The following THADA variants were observed in gnomAD, a reference collection of about 807,000 sequenced individuals.
The protein encoded by THADA is tRNA (32-2'-O)-methyltransferase regulator THADA.
A neutral mutation model predicts 219.8 loss-of-function variants in THADA; 213 were observed. That is an observed-to-expected ratio of 0.97 (90% CI 0.87 to 1.09). THADA has a LOEUF of 1.09. Ranked by LOEUF, THADA falls within the 50% of genes least tolerant of loss-of-function variation. THADA has a pLI of 0.00. For synonymous variants in THADA, 1,018 were observed against 828.9 expected, an observed-to-expected ratio of 1.23 and a Z score of -3.92; for missense variants, 2,956 against 2,311.3, an observed-to-expected ratio of 1.28 and a Z score of -5.72.
At chr2:43,516,001 G>A (rs546914462) in intron 22 of THADA, among the ~76,000 whole-genome samples, 5 of 152,154 alleles carry the variant, frequency 3.3e-5, no homozygotes, top group Admixed American at 2.0e-4. Flanking sequence ...CTCTTCAGGG[G>A]CTCAAGCCAA....
At chr2:43,354,471 A>G (rs1481240667) in intron 29 of THADA, among the ~76,000 whole-genome samples, 2 of 151,606 alleles carry the variant, frequency 1.3e-5, no homozygotes, top group African/African-American at 2.4e-5. Context: ...CATTCTATCT[A>G]ATTAACTATA....
At chr2:43,292,003 G>A (rs1179851144) in intron 33 of THADA, 101 bp downstream of exon 33, 2 of 800,858 alleles carry the variant, frequency 2.5e-6, no homozygotes, top group Non-Finnish European at 3.9e-6. Flanking sequence ...TGAAATACAG[G>A]ACCTGAGACC....
chr2:43,291,846 C>G (rs1268771827), intron 33 of THADA, 78 bp from the exon 34 acceptor site: 3 of 1,305,932 alleles, frequency 2.3e-6, no homozygotes, highest in Non-Finnish European at 3.2e-6. Context: ...TGCAGATAGT[C>G]TGTAATCCAT....
chr2:43,383,292 G>C (rs1672256889), intron 29 of THADA, among the ~76,000 whole-genome samples: 1 of 152,184 alleles, frequency 6.6e-6, no homozygotes, highest in Non-Finnish European at 1.5e-5. Context: ...TAGGTGTTTT[G>C]GAGACAGTGC....
chr2:43,495,800 G>A (rs1419235815), intron 25 of THADA, among the ~76,000 whole-genome samples: 3 of 152,112 alleles, frequency 2.0e-5, no homozygotes. Context: ...ATGATCTCCA[G>A]TATTCCTGAT....
chr2:43,576,489 T>G (rs186118501), intron 10 of THADA, among the ~76,000 whole-genome samples: 1 of 152,204 alleles, frequency 6.6e-6, no homozygotes, highest in East Asian at 1.9e-4. Context: ...TTATCCTATA[T>G]AGTAGCCATT....
chr2:43,485,792 G>A (rs1686843209), intron 25 of THADA, among the ~76,000 whole-genome samples: 1 of 151,978 alleles, frequency 6.6e-6, no homozygotes. Context: ...CTACTTGGGA[G>A]GCTAAAGTGG....
intron 22 of THADA, among the ~76,000 whole-genome samples, chr2:43,518,613 T>C (rs1692028476): frequency 6.6e-6 from 1 of 152,222 alleles, no homozygotes; most frequent in African/African-American, 2.4e-5. Context: ...TGTACACTTA[T>C]GAACACAGAG....
At chr2:43,504,005 G>A (rs1313133094) in intron 24 of THADA, among the ~76,000 whole-genome samples, 1 of 151,934 alleles carries the variant, frequency 6.6e-6, no homozygotes, top group Non-Finnish European at 1.5e-5. Context: ...ATGCTAATTG[G>A]AGCATTTTAG....
chr2:43,378,994 T>A (rs1171752862), intron 29 of THADA, among the ~76,000 whole-genome samples: 1 of 151,800 alleles, frequency 6.6e-6, no homozygotes, highest in Non-Finnish European at 1.5e-5. Context: ...AAGACAGAAA[T>A]CAAAATCAGA....
At chr2:43,322,956 G>A (rs1281538222) in intron 30 of THADA, among the ~76,000 whole-genome samples, 1 of 151,982 alleles carries the variant, frequency 6.6e-6, no homozygotes, top group African/African-American at 2.4e-5. Context: ...AAAGTGCTGG[G>A]ATTACAGGCG....
chr2:43,568,473 A>G (rs1262073345), intron 14 of THADA, among the ~76,000 whole-genome samples: 1 of 152,236 alleles, frequency 6.6e-6, no homozygotes, highest in African/African-American at 2.4e-5. Context: ...CAGTAGGGAA[A>G]AAGTACCACA....
chr2:43,495,898 G>C (rs970919419), intron 25 of THADA, among the ~76,000 whole-genome samples: 2 of 152,144 alleles, frequency 1.3e-5, no homozygotes, highest in African/African-American at 4.8e-5. Flanking sequence ...TAAACTCTGT[G>C]TCCTCAAGAG....
chr2:43,575,548 T>C (rs1166935464), intron 10 of THADA, among the ~76,000 whole-genome samples: 1 of 152,164 alleles, frequency 6.6e-6, no homozygotes, highest in Non-Finnish European at 1.5e-5. Context: ...TTTATTTATT[T>C]ATTTATTTGA....
chr2:43,533,600 T>C (rs897741501), intron 21 of THADA, among the ~76,000 whole-genome samples: 4 of 152,176 alleles, frequency 2.6e-5, no homozygotes, highest in South Asian at 2.1e-4. Flanking sequence ...GGGACTTGGA[T>C]GAAGCTGGAA....
At chr2:43,326,441 G>A (rs939850522) in intron 30 of THADA, among the ~76,000 whole-genome samples, 33 of 152,146 alleles carry the variant, frequency 2.2e-4, no homozygotes, top group African/African-American at 8.0e-4. Flanking sequence ...TGGTATGGGG[G>A]GCGGGAATTG....
intron 16 of THADA, among the ~76,000 whole-genome samples, chr2:43,559,556 G>A (rs1384816191): frequency 1.3e-5 from 2 of 152,166 alleles, no homozygotes; most frequent in African/African-American, 2.4e-5. Flanking sequence ...TGACCCAACA[G>A]CCCTAGGAGA....
intron 26 of THADA, among the ~76,000 whole-genome samples, chr2:43,473,287 T>C (rs955053169): frequency 6.6e-6 from 1 of 152,234 alleles, no homozygotes; most frequent in African/African-American, 2.4e-5. Flanking sequence ...TCCTACTTTT[T>C]AAACTTGTTT....
intron 36 of THADA, among the ~76,000 whole-genome samples, chr2:43,244,799 C>CT (rs1417954008): frequency 4.6e-5 from 7 of 152,242 alleles, no homozygotes; most frequent in Admixed American, 3.3e-4. Context: ...TCTGCAGAGC[C>CT]TCCCAGAGGG....
Sources: allele counts gnomAD v4.1 joint callset (sites outside exome capture counted in the v4.1 genomes callset), GRCh38; gene constraint gnomAD v4.1.1; transcripts MANE v1.5; gene names NCBI Gene and HGNC (gene_info 2026-07-23, HGNC 2026-07-21).